PRR16: variants seen among roughly 807,000 people sequenced by gnomAD.
PRR16 encodes protein Largen.
PRR16 carries 6 observed loss-of-function variants against 18.2 expected under a neutral mutation model. That is an observed-to-expected ratio of 0.33 (90% CI 0.18 to 0.65). The LOEUF is 0.65. Ranked by LOEUF, PRR16 falls within the 30% of genes least tolerant of loss-of-function variation. The pLI is 0.74. For missense variants in PRR16, 412 were observed against 376.6 expected, an observed-to-expected ratio of 1.09 and a Z score of -0.78; for synonymous variants, 151 against 147.8, an observed-to-expected ratio of 1.02 and a Z score of -0.16.
At chr5:120,760,870 A>C in the PRR16 span, among the ~76,000 whole-genome samples, 3 of 152,042 alleles carry the variant, frequency 2.0e-5, no homozygotes, top group African/African-American at 7.2e-5. Flanking sequence ...TGGATAGTGC[A>C]TCTTGTATGG....
chr5:120,727,986 ATATC>A, the PRR16 span, among the ~76,000 whole-genome samples: 1 of 152,010 alleles, frequency 6.6e-6, no homozygotes, highest in East Asian at 1.9e-4. Flanking sequence ...TATCTATAGA[ATATC>A]TATTCAACAA....
At chr5:120,550,920 C>T (rs542123106) in intron 1 of PRR16, among the ~76,000 whole-genome samples, 19 of 151,932 alleles carry the variant, frequency 1.3e-4, no homozygotes, top group African/African-American at 4.6e-4. Flanking sequence ...GTATACCTGA[C>T]AAAAAATTGT....
chr5:120,488,687 C>G (rs1749907726), intron 1 of PRR16, among the ~76,000 whole-genome samples: 1 of 152,048 alleles, frequency 6.6e-6, no homozygotes, highest in South Asian at 2.1e-4. Context: ...TTGCCTTCTG[C>G]TAGCTTTTGA....
At chr5:120,672,590 G>C (rs999263949) in intron 1 of PRR16, among the ~76,000 whole-genome samples, 1 of 151,762 alleles carries the variant, frequency 6.6e-6, no homozygotes, top group Non-Finnish European at 1.5e-5. Flanking sequence ...TTTAAAGAAA[G>C]TCTTCTGTAA....
chr5:120,745,203 C>T, the PRR16 span, among the ~76,000 whole-genome samples: 6 of 150,930 alleles, frequency 4.0e-5, no homozygotes, highest in South Asian at 8.4e-4. Flanking sequence ...TTGCTTCTTA[C>T]TACCCCAGAA....
chr5:120,524,280 C>T (rs959828855), intron 1 of PRR16, among the ~76,000 whole-genome samples: 1 of 152,022 alleles, frequency 6.6e-6, no homozygotes, highest in Non-Finnish European at 1.5e-5. Flanking sequence ...GAGTTGTAGC[C>T]GAATTACCAT....
chr5:120,710,958 C>G, the PRR16 span: 2 of 151,664 alleles, frequency 1.3e-5, no homozygotes, highest in Non-Finnish European at 2.9e-5. Context: ...TTTTTCCCCC[C>G]TCAGCTTCTA....
At chr5:120,763,036 A>G in the PRR16 span, among the ~76,000 whole-genome samples, 3 of 152,014 alleles carry the variant, frequency 2.0e-5, no homozygotes, top group East Asian at 3.9e-4. Flanking sequence ...ACTTTCCCCA[A>G]TATGTGTCTG....
the PRR16 span, among the ~76,000 whole-genome samples, chr5:120,774,028 G>A: frequency 4.0e-5 from 6 of 151,438 alleles, no homozygotes; most frequent in Admixed American, 6.6e-5. Context: ...CACTGCAAAT[G>A]GTAGTATTAC....
chr5:120,784,299 T>C, the PRR16 span, among the ~76,000 whole-genome samples: 1 of 152,352 alleles, frequency 6.6e-6, no homozygotes, highest in Non-Finnish European at 1.5e-5. Context: ...TTTTTCATAA[T>C]GGCTATACCA....
the PRR16 span, among the ~76,000 whole-genome samples, chr5:120,755,223 TAAA>T: frequency 2.3e-4 from 35 of 151,912 alleles, no homozygotes; most frequent in Non-Finnish European, 3.1e-4. Context: ...CTAAAAAAAA[TAAA>T]AAATAATAAT....
At chr5:120,493,458 A>G (rs1045765573) in intron 1 of PRR16, among the ~76,000 whole-genome samples, 2 of 151,942 alleles carry the variant, frequency 1.3e-5, no homozygotes, top group Non-Finnish European at 2.9e-5. Context: ...TATTTTTTTA[A>G]TTTAAGCTTT....
At chr5:120,471,548 T>C (rs1416864068) in intron 1 of PRR16, among the ~76,000 whole-genome samples, 1 of 152,126 alleles carries the variant, frequency 6.6e-6, no homozygotes, top group African/African-American at 2.4e-5. Context: ...AACTGGCTAA[T>C]GATGTCATAT....
intron 1 of PRR16, among the ~76,000 whole-genome samples, chr5:120,569,663 C>G (rs937062685): frequency 6.6e-6 from 1 of 152,022 alleles, no homozygotes; most frequent in Non-Finnish European, 1.5e-5. Flanking sequence ...AAAGAAGCAG[C>G]AGAAAAATGC....
intron 1 of PRR16, among the ~76,000 whole-genome samples, chr5:120,652,643 T>G (rs1446968336): frequency 6.6e-6 from 1 of 151,942 alleles, no homozygotes; most frequent in Admixed American, 6.6e-5. Context: ...GCCTGACTAA[T>G]AATCCTCAAA....
chr5:120,697,135 G>T, the PRR16 span, among the ~76,000 whole-genome samples: 4 of 152,172 alleles, frequency 2.6e-5, no homozygotes, highest in South Asian at 2.1e-4. Flanking sequence ...TGGAGAAAAA[G>T]TTGCTTTTTC....
rs745390223 is a variant in PRR16 at position 120,686,591 on chromosome 5, G to C, written c.797G>C (p.Gly266Ala). ...HLPPFPLENG[G>A]MGISHSNSFP... is the part of the protein sequence containing the mutation. ...CCTCCTTTCCCACTAGAAAATGGGG[G>C]AATGGGAATAAGCCACAGTAACAGC... is the stretch of plus-strand genomic sequence containing the variant. The change falls in exon 2 of 2, where the codon GGA becomes GCA. Residue 266 changes from glycine (G) to alanine (A), a missense_variant. Transcript: ENST00000407149. The C allele has an allele frequency of 1.1e-5, 17 of 1,613,468 alleles. No individual in the cohort carries two copies. In the Admixed American group the frequency reaches 2.8e-4, roughly 27 times the overall value.
rs199813728 is a variant in PRR16, at chr5:120,529,370, A to G, written c.159+64725A>G. On this transcript the variant is annotated intron_variant, in intron 1 of 1. Coordinates refer to ENST00000407149, the MANE Select transcript of PRR16 (RefSeq NM_001300783.2). ...TTTTTCTTTCTGATAGTGTTCAACAATGGCTTATTGACAACTCAAATCATG... is the reference window on the plus strand; with the variant it reads ...TTTTTCTTTCTGATAGTGTTCAACAGTGGCTTATTGACAACTCAAATCATG... 3.9e-5 allele frequency among the ~76,000 whole-genome samples: 6 copies of G among 152,266 alleles called. No individual in the cohort carries two copies. In the East Asian group the frequency reaches 7.7e-4, roughly 20 times the overall value.
intron 1 of PRR16, among the ~76,000 whole-genome samples, chr5:120,519,127 T>C (rs72788238): frequency 0.023 from 3,539 of 152,064 alleles, 51 homozygotes; most frequent in East Asian, 0.033. Context: ...CAATAGATCA[T>C]TGAGTTTGGA....
Sources: allele counts gnomAD v4.1 joint callset (sites outside exome capture counted in the v4.1 genomes callset), GRCh38; gene constraint gnomAD v4.1.1; transcripts MANE v1.5; gene names NCBI Gene and HGNC (gene_info 2026-07-23, HGNC 2026-07-21).